IFT122: variants seen among roughly 807,000 people sequenced by gnomAD.
IFT122 encodes the protein intraflagellar transport 122.
In IFT122, 118 loss-of-function variants were observed where a neutral mutation model predicts 161.6. The observed-to-expected ratio is 0.73, with a 90% CI of 0.63 to 0.85. IFT122 has a LOEUF of 0.85. IFT122 is among the 40% of genes least tolerant of loss of function. The probability of loss-of-function intolerance (pLI) is 0.00; values close to 1 mark genes in which losing one functional copy is unlikely to be tolerated. For synonymous variants in IFT122, 550 were observed against 602.4 expected (o/e 0.91, Z 1.27); for missense variants, 1,381 against 1,579.6 (o/e 0.87, Z 2.13).
intron 21 of IFT122, 102 bp from the exon 22 acceptor site, chr3:129,506,307 C>G (rs2082184215): frequency 5.7e-6 from 8 of 1,394,432 alleles, no homozygotes; most frequent in Non-Finnish European, 8.0e-6. Context: ...GAGTGTCCTA[C>G]TTCCAAAGCA....
At chr3:129,460,641 T>C (rs1384176109) in intron 4 of IFT122, among the ~76,000 whole-genome samples, 2 of 152,166 alleles carry the variant, frequency 1.3e-5, no homozygotes, top group Non-Finnish European at 2.9e-5. Flanking sequence ...TGATGGACAC[T>C]TGTGTTGCTT....
chr3:129,459,449 C>T, intron 4 of IFT122: 1 of 326,028 alleles, frequency 3.1e-6, no homozygotes, highest in South Asian at 2.3e-5. Context: ...ACCACCATGC[C>T]AGGCTAATTT....
chr3:129,454,516 TGTGTGTGTGTGTGTGTGTGTG>T (rs1559850310), intron 3 of IFT122, among the ~76,000 whole-genome samples: 22 of 125,472 alleles, frequency 1.8e-4, no homozygotes, highest in African/African-American at 6.4e-4. Context: ...GTCATATTTG[TGTGTGTGTGTGTGTGTGTGTG>T]TGTGTGTGTG....
At chr3:129,446,785 ATT>A (rs1268974414) in intron 1 of IFT122, among the ~76,000 whole-genome samples, 1 of 152,118 alleles carries the variant, frequency 6.6e-6, no homozygotes, top group Non-Finnish European at 1.5e-5. Flanking sequence ...CTCTTCAGAT[ATT>A]TTACAGAGTT....
At chr3:129,510,584 C>G (rs1209814456) in intron 23 of IFT122, among the ~76,000 whole-genome samples, 2 of 152,180 alleles carry the variant, frequency 1.3e-5, no homozygotes, top group Non-Finnish European at 2.9e-5. Flanking sequence ...GCCCAAGCCA[C>G]TCCAGAGCCT....
chr3:129,487,004 A>G (rs574456392), intron 15 of IFT122, among the ~76,000 whole-genome samples: 2 of 152,356 alleles, frequency 1.3e-5, no homozygotes, highest in South Asian at 4.1e-4. Flanking sequence ...CTGAGAGTAG[A>G]CAGACTCAAA....
intron 4 of IFT122, chr3:129,460,982 G>A (rs1294341654): frequency 1.9e-6 from 3 of 1,578,540 alleles, no homozygotes; most frequent in African/African-American, 1.3e-5. Flanking sequence ...TTGAGGCCAA[G>A]CGTTCAAAAC....
Position 129,520,362 on chromosome 3 carries a change from GC to G in IFT122, c.*100del. 1 of 1,009,988 alleles carries G rather than the reference GC, an allele frequency of 9.9e-7. No individual in the cohort carries two copies. The allele number at this position is 1,009,988 out of a possible 1,614,324, so 62.6% of individuals were successfully genotyped here. The stretch of plus-strand genomic sequence containing the variant: ...GTTAAACTGTCAGAATGTGTTTCTT[GC>G]CCAGATGAAGTTTGTGTTTTGTGGG... On this transcript the variant is annotated 3_prime_UTR_variant, in exon 30 of 30. Transcript: ENST00000348417.
At chr3:129,465,041 G>A (rs1232744809) in intron 7 of IFT122, among the ~76,000 whole-genome samples, 2 of 151,928 alleles carry the variant, frequency 1.3e-5, no homozygotes, top group African/African-American at 4.8e-5. Context: ...ATTTAGGACA[G>A]GCCAAAGTGT....
chr3:129,453,474 T>A (rs2075096705), intron 3 of IFT122, among the ~76,000 whole-genome samples: 1 of 152,108 alleles, frequency 6.6e-6, no homozygotes, highest in Non-Finnish European at 1.5e-5. Context: ...AAGATTGTGA[T>A]CATGAATTGA....
rs773531126 is a variant in IFT122 at position 129,476,330 on chromosome 3, G to A, written c.832G>A (p.Ala278Thr). 3 of 1,614,078 alleles carry A rather than the reference G, an allele frequency of 1.9e-6. No individual in the cohort carries two copies. The African/African-American group carries it at 4.0e-5, about 22-fold the overall frequency. ...LSGKQIGKDR[A>T]LNFDPCCISY... ...TTTTCCTCAGATTGGAAAGGATCGGGCACTGAACTTTGACCCCTGCTGCAT... is the reference window on the plus strand; with the variant it reads ...TTTTCCTCAGATTGGAAAGGATCGGACACTGAACTTTGACCCCTGCTGCAT... Residue 278 changes from alanine (A) to threonine (T), a missense_variant, in exon 10 of 30, where the codon GCA becomes ACA. Ala to Thr is a moderately conservative substitution (Grantham distance 58). Coordinates refer to ENST00000348417, the MANE Select transcript of IFT122 (RefSeq NM_052989.3).
chr3:129,477,140 G>A (rs541289600), intron 11 of IFT122, among the ~76,000 whole-genome samples: 29 of 152,196 alleles, frequency 1.9e-4, no homozygotes, highest in Non-Finnish European at 3.4e-4. Flanking sequence ...ATGGGTCTTC[G>A]TGGACCTTTA....
intron 19 of IFT122, 37 bp from the exon 20 acceptor site, chr3:129,502,674 C>G (rs1222290604): frequency 1.2e-6 from 2 of 1,601,238 alleles, no homozygotes; most frequent in Admixed American, 1.7e-5. Flanking sequence ...TGACAAGACC[C>G]AGAGCCCACC....
chr3:129,505,089 T>TGG (rs2082055870), intron 21 of IFT122, among the ~76,000 whole-genome samples: 1 of 152,238 alleles, frequency 6.6e-6, no homozygotes, highest in Non-Finnish European at 1.5e-5. Flanking sequence ...TAAAGTTGAC[T>TGG]TCCCTCTCTG....
At position 129,496,530 on chromosome 3, in the gene IFT122, A is replaced by C. The variant is rs139579542; in HGVS notation, c.2208+923A>C. Among the ~76,000 whole-genome samples the C allele has an allele frequency of 4.0e-3, 602 of 152,296 alleles. 2 individuals are homozygous for C. The highest frequency in any genetic ancestry group is 0.013 in the African/African-American group (545 of 41,544). On this transcript the variant is annotated intron_variant, in intron 18 of 29. Coordinates refer to ENST00000348417, the MANE Select transcript of IFT122 (RefSeq NM_052989.3). Reference sequence around the variant, plus strand: ...TGGTAGTTCTCCAGCTCACAAGTTCAAGATGGAAAATCTTCCCCACTTTTT... The same window carrying C: ...TGGTAGTTCTCCAGCTCACAAGTTCCAGATGGAAAATCTTCCCCACTTTTT...
Position 129,488,337 on chromosome 3 carries a change from T to C in IFT122, c.1932T>C (p.Thr644=), listed in dbSNP as rs374574041. Residue 644 remains threonine, a synonymous_variant, in exon 16 of 30, where the codon ACT becomes ACC. Transcript: ENST00000348417. ...YQIACLGVTD[T]DWRELAMEAL... is the part of the protein sequence containing the mutation. ...TTGCTTGCTTGGGTGTCACAGACACTGATTGGCGTGAACTGGCCATGGAAG... is the reference window on the plus strand; with the variant it reads ...TTGCTTGCTTGGGTGTCACAGACACCGATTGGCGTGAACTGGCCATGGAAG... 6.2e-7 allele frequency: 1 copy of C among 1,614,084 alleles called. No homozygotes were observed. Among genetic ancestry groups the C allele is most frequent in the Non-Finnish European group, 8.5e-7 (1 of 1,180,036 alleles).
chr3:129,443,932 T>A (rs891760974), intron 1 of IFT122, among the ~76,000 whole-genome samples: 1 of 152,170 alleles, frequency 6.6e-6, no homozygotes, highest in Admixed American at 6.5e-5. Flanking sequence ...ATGACCCTTA[T>A]GAAGAAGAGG....
intron 20 of IFT122, among the ~76,000 whole-genome samples, chr3:129,503,673 G>A (rs965925769): frequency 1.3e-5 from 2 of 152,210 alleles, no homozygotes; most frequent in African/African-American, 4.8e-5. Flanking sequence ...AGCTCCATTG[G>A]TGAGGTGATG....
intron 29 of IFT122, 59 bp downstream of exon 29, chr3:129,519,791 A>G (rs1019643739): frequency 4.0e-5 from 64 of 1,600,028 alleles, no homozygotes; most frequent in Admixed American, 8.3e-5. Flanking sequence ...CCCTTGCCCA[A>G]ATGTCCCTCT....
Sources: gnomAD v4.1 joint callset for allele counts (sites outside exome capture counted in the v4.1 genomes callset) on GRCh38, gnomAD v4.1.1 for gene constraint, MANE v1.5 for transcripts, NCBI Gene and HGNC (gene_info 2026-07-23, HGNC 2026-07-21) for gene names.